Variants in DOK7 observed in about 807,000 individuals in gnomAD.
DOK7 encodes the protein docking protein 7.
DOK7 carries 32 observed loss-of-function variants against 30.7 expected under a neutral mutation model. The ratio of observed to expected loss-of-function variants is 1.04; its 90% confidence interval spans 0.79 to 1.40. The LOEUF is 1.40. Ranked by LOEUF, DOK7 falls within the 40% of genes most tolerant of loss-of-function variation. The probability of loss-of-function intolerance (pLI) is 0.00; values close to 1 mark genes in which losing one functional copy is unlikely to be tolerated. For missense variants in DOK7, 1,007 were observed against 699.2 expected (o/e 1.44, Z -4.97); for synonymous variants, 447 against 324.1 (o/e 1.38, Z -4.07).
intron 3 of DOK7, among the ~76,000 whole-genome samples, chr4:3,476,013 C>T (rs1181182347): frequency 1.3e-5 from 2 of 152,072 alleles, no homozygotes; most frequent in African/African-American, 4.8e-5. Flanking sequence ...GCTGCCTCCC[C>T]GGCTGACACC....
Position 3,463,423 on chromosome 4 carries a change from C to T in DOK7, c.48C>T (p.Gly16=). ...AGGGCCAGGTCAAGCTGCGGGACGG[C>T]AAGAAGGTCGGGGCGCGTCGGGGGC... ...LVEGQVKLRD[G]KKWKSRWLVL... The change falls in exon 1 of 7, where the codon GGC becomes GGT. Residue 16 remains glycine (G), a synonymous_variant. Transcript: ENST00000340083. 1 of 1,196,014 alleles carries T rather than the reference C, an allele frequency of 8.4e-7. No homozygotes were observed. Among genetic ancestry groups the T allele is most frequent in the Non-Finnish European group, 1.1e-6 (1 of 911,796 alleles). The allele number at this position is 1,196,014 out of a possible 1,614,324, so 74.1% of individuals were successfully genotyped here.
At chr4:3,466,727 C>T (rs1012702517) in intron 2 of DOK7, among the ~76,000 whole-genome samples, 8 of 152,314 alleles carry the variant, frequency 5.3e-5, no homozygotes, top group East Asian at 3.9e-4. Flanking sequence ...CCTGCGTCCT[C>T]GTCTACTCAC....
At chr4:3,494,531 C>T (rs1728788990), downstream of DOK7, 2 of 985,022 alleles carry the variant, frequency 2.0e-6, no homozygotes, top group Non-Finnish European at 2.4e-6. Flanking sequence ...CCTCGCCCAC[C>T]CTCCACGTGG....
intron 5 of DOK7, among the ~76,000 whole-genome samples, chr4:3,485,938 AC>A (rs1276530413): frequency 2.0e-5 from 3 of 152,098 alleles, no homozygotes; most frequent in African/African-American, 7.2e-5. Flanking sequence ...TCTGGCTGGG[AC>A]AGTCAGCCAC....
downstream of DOK7, among the ~76,000 whole-genome samples, chr4:3,495,273 G>T (rs990374019): frequency 2.0e-5 from 3 of 152,234 alleles, no homozygotes; most frequent in South Asian, 2.1e-4. Context: ...TCTTGTTGCA[G>T]GACGAGTGAG....
intron 5 of DOK7, among the ~76,000 whole-genome samples, chr4:3,486,562 CCACACCAG>C (rs1464529507): frequency 6.6e-6 from 1 of 152,206 alleles, no homozygotes; most frequent in African/African-American, 2.4e-5. Context: ...TGCCCCCTGC[CCACACCAG>C]CAAAGTCCCG....
chr4:3,495,756 G>A (rs1728871871), downstream of DOK7, among the ~76,000 whole-genome samples: 1 of 152,090 alleles, frequency 6.6e-6, no homozygotes, highest in Non-Finnish European at 1.5e-5. Flanking sequence ...ACCTTCGCTG[G>A]TTCGGGCTCT....
At chr4:3,467,460 C>CA (rs1245311939) in intron 2 of DOK7, among the ~76,000 whole-genome samples, 1 of 135,440 alleles carries the variant, frequency 7.4e-6, no homozygotes, top group Non-Finnish European at 1.6e-5. Flanking sequence ...CCCCCCCCCC[C>CA]CACCCCAGAC....
intron 4 of DOK7, 145 bp from the exon 5 acceptor site, chr4:3,485,394 C>T (rs565005552): frequency 1.8e-6 from 2 of 1,138,320 alleles, no homozygotes; most frequent in Non-Finnish European, 2.3e-6. Flanking sequence ...GGGGTGTCGG[C>T]TCTGGGCATC....
rs1471622823 is a variant in DOK7 at position 3,485,652 on chromosome 4, C to G, written c.646C>G (p.Leu216Val). Reference sequence around the variant, plus strand: ...GGGCCCCTTTGGGCTGCGGCCGGTTCTACCAGGTGCGTGTGGGAGCCTGGC... The same window carrying G: ...GGGCCCCTTTGGGCTGCGGCCGGTTGTACCAGGTGCGTGTGGGAGCCTGGC... ...TKGPFGLRPV[L>V]PDPSPPGPST... Residue 216 changes from leucine (L) to valine (V), a missense_variant, in exon 5 of 7, where the codon CTA (leucine) becomes GTA (valine). Leu to Val is a conservative substitution (Grantham distance 32). Transcript: ENST00000340083. The G allele has an allele frequency of 6.3e-7, 1 of 1,588,814 alleles. No individual in the cohort carries two copies. Among genetic ancestry groups the G allele is most frequent in the African/African-American group, 1.4e-5 (1 of 73,964 alleles).
intron 3 of DOK7, among the ~76,000 whole-genome samples, chr4:3,475,999 C>T (rs888251410): frequency 1.8e-4 from 27 of 152,086 alleles, no homozygotes; most frequent in African/African-American, 6.5e-4. Flanking sequence ...CTCATCCTGC[C>T]GTCGCTGCCT....
intron 4 of DOK7, 155 bp from the exon 5 acceptor site, chr4:3,485,384 G>C (rs192007810): frequency 2.0e-6 from 2 of 1,020,690 alleles, no homozygotes; most frequent in African/African-American, 3.3e-5. Flanking sequence ...GGGGCCAGGC[G>C]GGGTGTCGGC....
At chr4:3,497,411 G>A (rs1220509233), downstream of DOK7, among the ~76,000 whole-genome samples, 2 of 151,956 alleles carry the variant, frequency 1.3e-5, no homozygotes, top group Non-Finnish European at 2.9e-5. Context: ...TTGGGAGGGA[G>A]GGCCAGGCAG....
At chr4:3,486,771 TGTGGATGGTGTGGTCAGC>T (rs922258017) in intron 5 of DOK7, among the ~76,000 whole-genome samples, 4 of 151,478 alleles carry the variant, frequency 2.6e-5, no homozygotes, top group Admixed American at 6.6e-5. Flanking sequence ...TGCAGGCAGG[TGTGGATGGTGTGGTCAGC>T]GTGGATGATG....
At chr4:3,468,346 A>G (rs1180418554) in intron 2 of DOK7, among the ~76,000 whole-genome samples, 1 of 150,336 alleles carries the variant, frequency 6.7e-6, no homozygotes, top group Admixed American at 6.6e-5. Context: ...GTGAGCTCAA[A>G]TGCTTGTCTG....
At chr4:3,477,800 C>T (rs1176079849) in intron 4 of DOK7, among the ~76,000 whole-genome samples, 1 of 138,700 alleles carries the variant, frequency 7.2e-6, no homozygotes, top group Non-Finnish European at 1.5e-5. Flanking sequence ...TGGGCAGGGC[C>T]GCTGCCTATG....
intron 4 of DOK7, 124 bp downstream of exon 4, chr4:3,476,666 G>T: frequency 1.6e-6 from 2 of 1,258,892 alleles, no homozygotes; most frequent in Non-Finnish European, 2.3e-6. Flanking sequence ...AGAATGCGCC[G>T]GCAGGTGGAC....
intron 6 of DOK7, among the ~76,000 whole-genome samples, chr4:3,490,447 T>C (rs1222554262): frequency 6.0e-4 from 35 of 57,934 alleles, no homozygotes; most frequent in Admixed American, 1.0e-3. Flanking sequence ...TTCATTTCTC[T>C]CCTGCTCATT....
intron 3 of DOK7, among the ~76,000 whole-genome samples, 186 bp from the exon 4 acceptor site, chr4:3,476,156 G>GCAGTGCATAGGTTCCA (rs1727044567): frequency 9.3e-6 from 1 of 107,444 alleles, no homozygotes; most frequent in African/African-American, 3.6e-5. Flanking sequence ...CCGCCTGACC[G>GCAGTGCATAGGTTCCA]TGATGCCCTC....
Sources: gnomAD v4.1 joint callset for allele counts (sites outside exome capture counted in the v4.1 genomes callset) on GRCh38, gnomAD v4.1.1 for gene constraint, MANE v1.5 for transcripts, NCBI Gene and HGNC (gene_info 2026-07-23, HGNC 2026-07-21) for gene names.